The following PRPF38B variants were observed in gnomAD, a reference collection of about 807,000 sequenced individuals.
PRPF38B encodes the protein pre-mRNA-splicing factor 38B.
In PRPF38B, 18 loss-of-function variants were observed where a neutral mutation model predicts 67.2. That is an observed-to-expected ratio of 0.27 (90% CI 0.19 to 0.40). The LOEUF (loss-of-function observed/expected upper bound fraction) is 0.40, where lower values mean the gene tolerates loss of function less well. Among genes scored for constraint, PRPF38B ranks in the 10% least tolerant of loss-of-function variants. The pLI is 1.00. For synonymous variants in PRPF38B, 246 were observed against 234.2 expected (o/e 1.05, Z -0.46); for missense variants, 544 against 684.9 (o/e 0.79, Z 2.30).
chr1:108,699,881 G>A lies in PRPF38B; in HGVS notation c.1502G>A (p.Ser501Asn). The A allele has an allele frequency of 6.2e-7, 1 of 1,614,150 alleles. No individual in the cohort carries two copies. Among genetic ancestry groups the A allele is most frequent in the Non-Finnish European group, 8.5e-7 (1 of 1,180,016 alleles). ...AGCAAAGAAAAATCTAGAAAGCGTA[G>A]TAGAAGCAAAGAACGTTCCCACAAA... is the stretch of plus-strand genomic sequence containing the variant. ...SPSKEKSRKR[S>N]RSKERSHKRD... The change falls in exon 6 of 6, where the codon AGT becomes AAT. Residue 501 changes from serine (S) to asparagine (N), a missense_variant. Around this residue, in one of 5 missense-constraint regions of PRPF38B, gnomAD observed 387 missense variants for 386.1 expected, o/e 1.00. Coordinates refer to ENST00000370025, the MANE Select transcript of PRPF38B (RefSeq NM_018061.4).
chr1:108,701,825 A>G lies in PRPF38B; in HGVS notation c.*1805A>G, dbSNP rs894446118. The G allele has an allele frequency of 6.6e-6, 1 of 152,156 alleles. No homozygotes were observed. Among genetic ancestry groups the G allele is most frequent in the Admixed American group, 6.5e-5 (1 of 15,272 alleles). The allele number at this position is 152,156 out of a possible 1,614,324, so 9.4% of individuals were successfully genotyped here. On this transcript the variant is annotated 3_prime_UTR_variant, in exon 6 of 6. Coordinates refer to ENST00000370025, the MANE Select transcript of PRPF38B (RefSeq NM_018061.4). The stretch of plus-strand genomic sequence containing the variant: ...AAAATGATATGCTTTTTTCTTTTTT[A>G]AGAAAATTCCTTTGTCTTTTAAATT...
At chr1:108,698,972 T>C in intron 5 of PRPF38B, 145 bp downstream of exon 5, 1 of 1,348,536 alleles carries the variant, frequency 7.4e-7, no homozygotes, top group Non-Finnish European at 9.9e-7. Context: ...ATTATTTTCT[T>C]CCTTTCAGGG....
rs1036938781 is a variant in PRPF38B, at chr1:108,701,974, A to C, written c.*1954A>C. Reference sequence around the variant, plus strand: ...TTTAGCATACCTAAATTATGGAGCTACTACTTTGGATATGGTTCCATGTGA... The same window carrying C: ...TTTAGCATACCTAAATTATGGAGCTCCTACTTTGGATATGGTTCCATGTGA... On this transcript the variant is annotated 3_prime_UTR_variant, in exon 6 of 6. Transcript: ENST00000370025. 1.3e-5 allele frequency among the ~76,000 whole-genome samples: 2 copies of C among 151,674 alleles called. No homozygotes were observed. The highest frequency in any genetic ancestry group is 2.9e-5 in the Non-Finnish European group (2 of 68,044).
rs1659390487 is a variant in PRPF38B, at chr1:108,692,434, G to A, written c.-158G>A. 1.2e-6 allele frequency: 1 copy of A among 830,366 alleles called. No homozygotes were observed. Among genetic ancestry groups the A allele is most frequent in the Non-Finnish European group, 1.8e-6 (1 of 552,448 alleles). The allele number at this position is 830,366 out of a possible 1,614,324, so 51.4% of individuals were successfully genotyped here. ...CTTGGCCCGGGGTCATTTTGTCGGCGTCGGGTGCCCTCTCTTGCCCAGCTG... is the reference window on the plus strand; with the variant it reads ...CTTGGCCCGGGGTCATTTTGTCGGCATCGGGTGCCCTCTCTTGCCCAGCTG... On this transcript the variant is annotated 5_prime_UTR_variant, in exon 1 of 6. Coordinates refer to ENST00000370025, the MANE Select transcript of PRPF38B (RefSeq NM_018061.4).
rs749221908 is a variant in PRPF38B, at chr1:108,699,652, C to T, written c.1273C>T (p.His425Tyr). ...DKRDSKKEKKHSRSRSRERKH... is the reference protein window; with the variant it reads ...DKRDSKKEKKYSRSRSRERKH... ...AAGAGATTCCAAGAAAGAGAAAAAA[C>T]ACAGTAGAAGCAGAAGCAGAGAAAG... is the stretch of plus-strand genomic sequence containing the variant. Residue 425 changes from histidine to tyrosine, a missense_variant, in exon 6 of 6, where the codon CAC becomes TAC. Transcript: ENST00000370025. 21 of 1,564,274 alleles carry T rather than the reference C, an allele frequency of 1.3e-5. No homozygotes were observed. Among genetic ancestry groups the T allele is most frequent in the African/African-American group, 4.1e-5 (3 of 72,868 alleles).
At chr1:108,698,294 G>C (rs976851081) in intron 4 of PRPF38B, 2 of 248,564 alleles carry the variant, frequency 8.0e-6, no homozygotes, top group Admixed American at 9.9e-5. Flanking sequence ...ATACATAGTA[G>C]GTATGTGGAA....
Position 108,701,292 on chromosome 1 carries a change from T to C in PRPF38B, c.*1272T>C, listed in dbSNP as rs935199414. 1 of 152,618 alleles carries C rather than the reference T, an allele frequency of 6.6e-6. No homozygotes were observed. Among genetic ancestry groups the C allele is most frequent in the Non-Finnish European group, 1.5e-5 (1 of 68,008 alleles). The allele number at this position is 152,618 out of a possible 1,614,324, so 9.5% of individuals were successfully genotyped here. On this transcript the variant is annotated 3_prime_UTR_variant, in exon 6 of 6. Transcript: ENST00000370025. ...TCACACTTTGTGTACAGGGATGTCT[T>C]AGTGCCCAGATGACAAGTGAATTTT...
rs762985738 is a variant in PRPF38B at position 108,692,552 on chromosome 1, TC to T, written c.-32del. 3.8e-4 allele frequency: 366 copies of T among 957,788 alleles called. No homozygotes were observed. Among genetic ancestry groups the T allele is most frequent in the Middle Eastern group, 1.7e-3 (5 of 2,866 alleles). 59.3% of individuals were successfully genotyped at this position (957,788 alleles called of 1,614,324 possible). On this transcript the variant is annotated 5_prime_UTR_variant, in exon 1 of 6. Coordinates refer to ENST00000370025, the MANE Select transcript of PRPF38B (RefSeq NM_018061.4). ...AAGAGCGAGATCGAGCTTGGCCCCC[TC>T]CCCCCCCTCCTTCCCTCCCTCCTTC...
chr1:108,696,525 G>A, intron 4 of PRPF38B, 188 bp downstream of exon 4: 1 of 619,264 alleles, frequency 1.6e-6, no homozygotes, highest in Non-Finnish European at 2.8e-6. Context: ...GTAAATTTCT[G>A]AAGTTTTATT....
rs912441990 is a variant in PRPF38B, at chr1:108,692,538, C to T, written c.-54C>T. On this transcript the variant is annotated 5_prime_UTR_variant, in exon 1 of 6. Transcript: ENST00000370025. ...AGACCGTTGTCCCGAAGAGCGAGAT[C>T]GAGCTTGGCCCCCTCCCCCCCCTCC... is the stretch of plus-strand genomic sequence containing the variant. 2.0e-6 allele frequency: 3 copies of T among 1,484,846 alleles called. No individual in the cohort carries two copies. In the African/African-American group the frequency reaches 4.2e-5, roughly 21 times the overall value. 92.0% of individuals were successfully genotyped at this position (1,484,846 alleles called of 1,614,324 possible). A position where few individuals can be genotyped will look rare whatever the true frequency, so the allele number is the denominator to read the frequency against.
Position 108,700,013 on chromosome 1 carries a change from C to G in PRPF38B, c.1634C>G (p.Thr545Ser). ...AAACAGCATAAAAACAAAGATGAGACTGTGTGAAAATATTTTGTAAAAGTG... is the reference window on the plus strand; with the variant it reads ...AAACAGCATAAAAACAAAGATGAGAGTGTGTGAAAATATTTTGTAAAAGTG... ...QEKQHKNKDE[T>S]V The change falls in exon 6 of 6, where the codon ACT (threonine) becomes AGT (serine). Residue 545 changes from threonine to serine, a missense_variant. By Grantham distance (58) the Thr-to-Ser change is moderately conservative. This residue lies in a region of PRPF38B where 387 missense variants were observed against 386.1 expected (regional missense o/e 1.00). Coordinates refer to ENST00000370025, the MANE Select transcript of PRPF38B (RefSeq NM_018061.4). 1 of 1,578,696 alleles carries G rather than the reference C, an allele frequency of 6.3e-7. No individual in the cohort carries two copies. Among genetic ancestry groups the G allele is most frequent in the Non-Finnish European group, 8.6e-7 (1 of 1,168,314 alleles).
In PRPF38B at chr1:108,699,284, A is replaced by T. The variant is rs1329687640; in HGVS notation, c.905A>T (p.Gln302Leu). 6.2e-7 allele frequency: 1 copy of T among 1,614,162 alleles called. No homozygotes were observed. Among genetic ancestry groups the T allele is most frequent in the Non-Finnish European group, 8.5e-7 (1 of 1,180,032 alleles). The change falls in exon 6 of 6, where the codon CAG (glutamine) becomes CTG (leucine). Residue 302 changes from glutamine (Q) to leucine (L), a missense_variant. By Grantham distance (113) the Gln-to-Leu change is moderately radical. Around this residue, in one of 5 missense-constraint regions of PRPF38B, gnomAD observed 387 missense variants for 386.1 expected, o/e 1.00. Coordinates refer to ENST00000370025, the MANE Select transcript of PRPF38B (RefSeq NM_018061.4). ...DRELEREKER[Q>L]RLEREAKERE... ...GAATTAGAAAGAGAGAAAGAACGCC[A>T]GCGACTAGAGCGTGAAGCCAAAGAA...
chr1:108,699,924 T>G lies in PRPF38B; in HGVS notation c.1545T>G (p.Ser515Arg). The change falls in exon 6 of 6, where the codon AGT (serine) becomes AGG (arginine). Residue 515 changes from serine (S) to arginine (R), a missense_variant. Physicochemically the swap from Ser to Arg is moderately radical, Grantham distance 110 (BLOSUM62 -1). This residue lies in a region of PRPF38B where 387 missense variants were observed against 386.1 expected (regional missense o/e 1.00). Transcript: ENST00000370025. Reference sequence around the variant, plus strand: ...CCCACAAACGAGATCACAGTGATAGTAAGGACCAGTCAGACAAACATGATC... The same window carrying G: ...CCCACAAACGAGATCACAGTGATAGGAAGGACCAGTCAGACAAACATGATC... ...ERSHKRDHSD[S>R]KDQSDKHDRR... The G allele has an allele frequency of 6.2e-7, 1 of 1,614,030 alleles. No individual in the cohort carries two copies. Among genetic ancestry groups the G allele is most frequent in the Non-Finnish European group, 8.5e-7 (1 of 1,179,998 alleles).
rs1459730158 is a variant in PRPF38B, at chr1:108,701,154, AGT to A, written c.*1138_*1139del. ...GTATTCTGATTACAGAACCATCATG[AGT>A]GTGGAATAAATACTGGATTAAATCC... On this transcript the variant is annotated 3_prime_UTR_variant, in exon 6 of 6. Coordinates refer to ENST00000370025, the MANE Select transcript of PRPF38B (RefSeq NM_018061.4). The A allele has an allele frequency of 3.3e-5, 5 of 152,628 alleles. No homozygotes were observed. The highest frequency in any genetic ancestry group is 9.7e-5 in the African/African-American group (4 of 41,448). The allele number at this position is 152,628 out of a possible 1,614,324, so 9.5% of individuals were successfully genotyped here. A position where few individuals can be genotyped will look rare whatever the true frequency, so the allele number is the denominator to read the frequency against.
intron 1 of PRPF38B, among the ~76,000 whole-genome samples, chr1:108,694,252 CTTTA>C (rs1659631909): frequency 6.6e-6 from 1 of 152,118 alleles, no homozygotes; most frequent in Non-Finnish European, 1.5e-5. Context: ...TAATCCTTAG[CTTTA>C]TTTATGCAGT....
rs759481398 is a variant in PRPF38B, at chr1:108,696,293, A to G, written c.514A>G (p.Thr172Ala). ...TAATTCTAGATATACACAGCCCCCT[A>G]CAGATCTGTGGGACTGGTTTGAATC... ...FMYIRYTQPP[T>A]DLWDWFESFL... The change falls in exon 4 of 6, where the codon ACA (threonine) becomes GCA (alanine). Residue 172 changes from threonine (T) to alanine (A), a missense_variant. By Grantham distance (58) the Thr-to-Ala change is moderately conservative. Around this residue, in one of 5 missense-constraint regions of PRPF38B, gnomAD observed 57 missense variants for 122.7 expected, o/e 0.46. Coordinates refer to ENST00000370025, the MANE Select transcript of PRPF38B (RefSeq NM_018061.4). 24 of 1,612,746 alleles carry G rather than the reference A, an allele frequency of 1.5e-5. No homozygotes were observed. The highest frequency in any genetic ancestry group is 2.0e-5 in the Non-Finnish European group (24 of 1,179,182).
At chr1:108,696,795 A>G (rs1434513711) in intron 4 of PRPF38B, 8 of 714,764 alleles carry the variant, frequency 1.1e-5, no homozygotes, top group East Asian at 1.1e-4. Flanking sequence ...ATAGAAGTGC[A>G]GAATTGAAGA....
In PRPF38B at chr1:108,702,372, C is replaced by T. The variant is rs1477804759; in HGVS notation, c.*2352C>T. On this transcript the variant is annotated 3_prime_UTR_variant, in exon 6 of 6. Coordinates refer to ENST00000370025, the MANE Select transcript of PRPF38B (RefSeq NM_018061.4). The stretch of plus-strand genomic sequence containing the variant: ...CTCCTGGCCTCAAGTGATCCACCCA[C>T]CTCAGCCTCCCAAAGCGCTGTGATT... Among the ~76,000 whole-genome samples, 1 of 152,214 alleles carries T rather than the reference C, an allele frequency of 6.6e-6. No homozygotes were observed. Among genetic ancestry groups the T allele is most frequent in the Non-Finnish European group, 1.5e-5 (1 of 68,046 alleles).
rs960718460 is a variant in PRPF38B, at chr1:108,695,627, T to G, written c.277-75T>G. Reference sequence around the variant, plus strand: ...TGGAAGAGCTGCTCTATTATGGACTTGGGTTTACTTTTATCAGGCTTTTAA... The same window carrying G: ...TGGAAGAGCTGCTCTATTATGGACTGGGGTTTACTTTTATCAGGCTTTTAA... On this transcript the variant is annotated intron_variant, in intron 1 of 5. Coordinates refer to ENST00000370025, the MANE Select transcript of PRPF38B (RefSeq NM_018061.4). 36 of 1,434,370 alleles carry G rather than the reference T, an allele frequency of 2.5e-5. No individual in the cohort carries two copies. The Middle Eastern group carries it at 5.3e-4, about 21-fold the overall frequency. The allele number at this position is 1,434,370 out of a possible 1,614,324, so 88.9% of individuals were successfully genotyped here. A position where few individuals can be genotyped will look rare whatever the true frequency, so the allele number is the denominator to read the frequency against.
Sources: gnomAD v4.1 joint callset for allele counts (sites outside exome capture counted in the v4.1 genomes callset) on GRCh38, gnomAD v4.1.1 for gene constraint, gnomAD v4.1.1 regional missense constraint, MANE v1.5 for transcripts, NCBI Gene and HGNC (gene_info 2026-07-23, HGNC 2026-07-21) for gene names.